The following SETD2 variants were observed in gnomAD, a reference collection of about 807,000 sequenced individuals.
SETD2 encodes histone-lysine N-methyltransferase SETD2.
In SETD2, 31 loss-of-function variants were observed where a neutral mutation model predicts 242.1. That is an observed-to-expected ratio of 0.13 (90% CI 0.10 to 0.17). The LOEUF (loss-of-function observed/expected upper bound fraction) is 0.17, where lower values mean the gene tolerates loss of function less well. Among genes scored for constraint, SETD2 ranks in the 10% least tolerant of loss-of-function variants. SETD2 has a pLI of 1.00. For synonymous variants in SETD2, 1,006 were observed against 1,066.5 expected (o/e 0.94, Z 1.11); for missense variants, 2,481 against 3,046.3 (o/e 0.81, Z 4.37).
chr3:47,060,455 A>C (rs980065640), intron 14 of SETD2, among the ~76,000 whole-genome samples: 3 of 152,206 alleles, frequency 2.0e-5, no homozygotes, highest in Non-Finnish European at 4.4e-5. Context: ...ACCTAATAGA[A>C]GCTACAGTCA....
chr3:47,134,420 T>A (rs957759023), intron 1 of SETD2, among the ~76,000 whole-genome samples: 5 of 152,140 alleles, frequency 3.3e-5, no homozygotes, highest in African/African-American at 1.2e-4. Context: ...TCACAAAAGG[T>A]CACACCTACC....
At chr3:47,159,560 C>T (rs1697424269) in intron 1 of SETD2, among the ~76,000 whole-genome samples, 1 of 152,200 alleles carries the variant, frequency 6.6e-6, no homozygotes, top group Non-Finnish European at 1.5e-5. Context: ...TACTAGTCTC[C>T]AGGCTTCCAC....
intron 18 of SETD2, among the ~76,000 whole-genome samples, chr3:47,025,054 C>A (rs1447943772): frequency 6.6e-6 from 1 of 152,230 alleles, no homozygotes; most frequent in East Asian, 1.9e-4. Context: ...CCCTATGTCA[C>A]TCCATACAGC....
intron 15 of SETD2, among the ~76,000 whole-genome samples, chr3:47,054,793 A>G (rs2039985082): frequency 1.3e-5 from 2 of 152,224 alleles, no homozygotes; most frequent in African/African-American, 4.8e-5. Flanking sequence ...CTTTTCATTT[A>G]AATGACTACC....
rs2106691931 is a variant in SETD2, at chr3:47,122,965, A to G, written c.1671T>C (p.Ser557=). 7 of 1,613,944 alleles carry G rather than the reference A, an allele frequency of 4.3e-6. No individual in the cohort carries two copies. The highest frequency in any genetic ancestry group is 5.9e-6 in the Non-Finnish European group (7 of 1,179,818). Residue 557 remains serine, a synonymous_variant, in exon 3 of 21, where the codon TCT becomes TCC. Transcript: ENST00000409792. ...KHDSSASRYK[S]TLSKPIPKSD... The stretch of plus-strand genomic sequence containing the variant: ...ACTTGGGTATAGGTTTTGAAAGGGT[A>G]GATTTATAACGGGAAGCACTACTGT...
intron 1 of SETD2, among the ~76,000 whole-genome samples, chr3:47,133,265 G>T (rs1202029864): frequency 6.6e-6 from 1 of 152,098 alleles, no homozygotes; most frequent in Non-Finnish European, 1.5e-5. Context: ...TGTGGTCCAG[G>T]TTGGTCTCGA....
chr3:47,087,984 CAAACAAACAAAT>C (rs1276941340), intron 10 of SETD2, 117 bp downstream of exon 10: 4 of 1,015,712 alleles, frequency 3.9e-6, no homozygotes, highest in East Asian at 5.7e-5. Flanking sequence ...AACAAACAAA[CAAACAAACAAAT>C]AAATAAATAA....
chr3:47,044,736 A>G (rs1021859752), intron 16 of SETD2, among the ~76,000 whole-genome samples: 1 of 152,232 alleles, frequency 6.6e-6, no homozygotes, highest in African/African-American at 2.4e-5. Flanking sequence ...ATCATATAAA[A>G]AACTTTTTTT....
intron 12 of SETD2, among the ~76,000 whole-genome samples, chr3:47,074,994 C>T (rs2040989444): frequency 6.6e-6 from 1 of 151,998 alleles, no homozygotes; most frequent in Non-Finnish European, 1.5e-5. Flanking sequence ...ATTAGCTGGG[C>T]GTGGTGGCAG....
chr3:47,118,723 G>A (rs2042958724), intron 3 of SETD2, among the ~76,000 whole-genome samples: 1 of 150,970 alleles, frequency 6.6e-6, no homozygotes, highest in Non-Finnish European at 1.5e-5. Flanking sequence ...AGTGGTGGAA[G>A]CCCTCTTATG....
At chr3:47,084,866 G>T (rs1167486094) in intron 11 of SETD2, among the ~76,000 whole-genome samples, 1 of 151,450 alleles carries the variant, frequency 6.6e-6, no homozygotes, top group African/African-American at 2.4e-5. Context: ...GAGGAGCTGG[G>T]ATTACAGGGA....
rs576893483 is a variant in SETD2, at chr3:47,054,600, G to A, written c.6963+2221C>T. Among the ~76,000 whole-genome samples the A allele has an allele frequency of 4.0e-5, 6 of 151,750 alleles. No individual in the cohort carries two copies. In the East Asian group the frequency reaches 1.2e-3, roughly 29 times the overall value. ...CAAAACCCAAAACATTCTGTAGGAGGGAGAATGAAACATACTCTCTCCCTA... is the reference window on the plus strand; with the variant it reads ...CAAAACCCAAAACATTCTGTAGGAGAGAGAATGAAACATACTCTCTCCCTA... On this transcript the variant is annotated intron_variant, in intron 15 of 20. Coordinates refer to ENST00000409792, the MANE Select transcript of SETD2 (RefSeq NM_014159.7).
intron 5 of SETD2, among the ~76,000 whole-genome samples, chr3:47,108,470 T>C (rs2042527219): frequency 6.6e-6 from 1 of 152,222 alleles, no homozygotes; most frequent in African/African-American, 2.4e-5. Context: ...AAAGCTCAAT[T>C]ACAGCCTGGG....
rs987079218 is a variant in SETD2 at position 47,105,606 on chromosome 3, C to T, written c.4839+391G>A. Reference sequence around the variant, plus strand: ...TAGACGCTATTTATACTGCTCTGCCCCTCATTTTTGTCGCTTAATATATTT... The same window carrying T: ...TAGACGCTATTTATACTGCTCTGCCTCTCATTTTTGTCGCTTAATATATTT... On this transcript the variant is annotated intron_variant, in intron 6 of 20. Coordinates refer to ENST00000409792, the MANE Select transcript of SETD2 (RefSeq NM_014159.7). The T allele has an allele frequency of 8.3e-4, 340 of 410,040 alleles. 9 individuals carry two copies. The highest frequency in any genetic ancestry group is 6.0e-3 in the South Asian group (332 of 55,288). 25.4% of individuals were successfully genotyped at this position (410,040 alleles called of 1,614,324 possible). A position where few individuals can be genotyped will look rare whatever the true frequency, so the allele number is the denominator to read the frequency against.
At chr3:47,117,463 C>T (rs111254836) in intron 3 of SETD2, among the ~76,000 whole-genome samples, 2,182 of 152,090 alleles carry the variant, frequency 0.014, 23 homozygotes, top group South Asian at 0.027. Flanking sequence ...AATAGGAAAA[C>T]TCATGCATTT....
chr3:47,058,057 C>T (rs550599405), intron 14 of SETD2, among the ~76,000 whole-genome samples: 3 of 152,110 alleles, frequency 2.0e-5, no homozygotes, highest in African/African-American at 7.2e-5. Context: ...AAGAGAAAAG[C>T]CCGATTAAAG....
intron 3 of SETD2, among the ~76,000 whole-genome samples, chr3:47,117,727 T>C (rs1361195019): frequency 1.3e-5 from 2 of 152,226 alleles, no homozygotes; most frequent in African/African-American, 2.4e-5. Flanking sequence ...AGGGCTCAAC[T>C]TTCTCCATGC....
At chr3:47,023,322 C>G (rs1001921615) in intron 18 of SETD2, among the ~76,000 whole-genome samples, 1 of 152,142 alleles carries the variant, frequency 6.6e-6, no homozygotes, top group African/African-American at 2.4e-5. Context: ...ACTGCTTGAA[C>G]CCGGGAGGTG....
intron 1 of SETD2, among the ~76,000 whole-genome samples, chr3:47,142,451 G>A (rs551820353): frequency 6.6e-6 from 1 of 152,258 alleles, no homozygotes; most frequent in East Asian, 1.9e-4. Context: ...CAAGGGTGCA[G>A]TGAGATGACA....
Sources: gnomAD v4.1 joint callset for allele counts (sites outside exome capture counted in the v4.1 genomes callset) on GRCh38, gnomAD v4.1.1 for gene constraint, MANE v1.5 for transcripts, NCBI Gene and HGNC (gene_info 2026-07-23, HGNC 2026-07-21) for gene names.